The following TTLL5 variants were observed in gnomAD, a reference collection of about 807,000 sequenced individuals.
The protein encoded by TTLL5 is tubulin tyrosine ligase like 5.
TTLL5 carries 132 observed loss-of-function variants against 168.4 expected under a neutral mutation model. The ratio of observed to expected loss-of-function variants is 0.78; its 90% CI spans 0.68 to 0.91. The LOEUF (loss-of-function observed/expected upper bound fraction) is 0.91. Ranked by LOEUF, TTLL5 falls within the 40% of genes least tolerant of loss-of-function variation. TTLL5 has a pLI of 0.00. For synonymous variants in TTLL5, 546 were observed against 558.6 expected (o/e 0.98, Z 0.32); for missense variants, 1,545 against 1,581.5 (o/e 0.98, Z 0.39).
intron 28 of TTLL5, among the ~76,000 whole-genome samples, chr14:75,845,859 C>T (rs896114594): frequency 6.6e-6 from 1 of 152,100 alleles, no homozygotes; most frequent in Non-Finnish European, 1.5e-5. Context: ...TACACAATGG[C>T]GTCCCAGACC....
chr14:75,899,748 C>T (rs778597290), intron 30 of TTLL5, among the ~76,000 whole-genome samples: 3 of 151,916 alleles, frequency 2.0e-5, no homozygotes, highest in Non-Finnish European at 2.9e-5. Context: ...CAGTAAAGAA[C>T]GGGATAAAGC....
At chr14:75,766,816 C>T (rs1389521516) in intron 20 of TTLL5, among the ~76,000 whole-genome samples, 2 of 152,032 alleles carry the variant, frequency 1.3e-5, no homozygotes, top group Non-Finnish European at 2.9e-5. Flanking sequence ...AGTAGGGTTT[C>T]AGGAGCTTTG....
intron 28 of TTLL5, among the ~76,000 whole-genome samples, chr14:75,842,053 G>T (rs770615397): frequency 6.6e-6 from 1 of 152,164 alleles, no homozygotes; most frequent in Non-Finnish European, 1.5e-5. Flanking sequence ...TCCTGATGAG[G>T]CATCTGTAGG....
In TTLL5 at chr14:75,856,719, C is replaced by T. The variant is rs529179431; in HGVS notation, c.3327-6948C>T. 3.6e-4 allele frequency among the ~76,000 whole-genome samples: 54 copies of T among 151,176 alleles called. No homozygotes were observed. The East Asian group carries it at 5.3e-3, about 15-fold the overall frequency. On this transcript the variant is annotated intron_variant, in intron 28 of 31. Transcript: ENST00000298832. ...TCAGCTTACTGCAACCTCTGCCTCCCGGGTTCAAGTGATTCTCCTGCCTCA... is the reference window on the plus strand; with the variant it reads ...TCAGCTTACTGCAACCTCTGCCTCCTGGGTTCAAGTGATTCTCCTGCCTCA...
intron 24 of TTLL5, among the ~76,000 whole-genome samples, chr14:75,780,895 G>A (rs751723516): frequency 1.3e-5 from 2 of 152,030 alleles, no homozygotes; most frequent in African/African-American, 2.4e-5. Context: ...CCTATTATGT[G>A]TTAGGCATTT....
chr14:75,887,632 A>G (rs2032185987), intron 30 of TTLL5, among the ~76,000 whole-genome samples: 1 of 152,160 alleles, frequency 6.6e-6, no homozygotes, highest in South Asian at 2.1e-4. Flanking sequence ...GCTGAGCTCA[A>G]ACTGGAACTT....
At chr14:75,864,616 CA>C (rs200866178) in intron 29 of TTLL5, among the ~76,000 whole-genome samples, 1,960 of 152,224 alleles carry the variant, frequency 0.013, 50 homozygotes, top group African/African-American at 0.042. Flanking sequence ...AGGATGACCT[CA>C]CCGAAAATTC....
At chr14:75,820,478 T>A (rs954676978) in intron 28 of TTLL5, 1 of 217,368 alleles carries the variant, frequency 4.6e-6, no homozygotes, top group Non-Finnish European at 9.0e-6. Context: ...CACTTTGTCC[T>A]TGTCTCTTAG....
chr14:75,737,561 T>C, intron 15 of TTLL5: 4 of 1,535,538 alleles, frequency 2.6e-6, no homozygotes, highest in Non-Finnish European at 3.5e-6. Context: ...TTCTGTCTTT[T>C]ATAGCGTCCA....
At chr14:75,704,309 C>T (rs1051129452) in intron 7 of TTLL5, among the ~76,000 whole-genome samples, 2 of 152,178 alleles carry the variant, frequency 1.3e-5, no homozygotes, top group African/African-American at 2.4e-5. Flanking sequence ...GAGGCTGAGG[C>T]GGGCATATCA....
intron 30 of TTLL5, among the ~76,000 whole-genome samples, chr14:75,896,742 A>T (rs1210771674): frequency 6.6e-6 from 1 of 152,218 alleles, no homozygotes; most frequent in Non-Finnish European, 1.5e-5. Context: ...TCCACTGATC[A>T]AAATAATGGG....
At chr14:75,890,466 G>T (rs2140051081) in intron 30 of TTLL5, among the ~76,000 whole-genome samples, 1 of 152,018 alleles carries the variant, frequency 6.6e-6, no homozygotes, top group African/African-American at 2.4e-5. Flanking sequence ...ATATAGAAGA[G>T]ACTGAAAAAT....
intron 31 of TTLL5, among the ~76,000 whole-genome samples, chr14:75,923,603 A>T (rs375167991): frequency 6.6e-6 from 1 of 152,066 alleles, no homozygotes; most frequent in Non-Finnish European, 1.5e-5. Context: ...GTTCTTTTAC[A>T]TTTGCTGAGG....
chr14:75,770,820 A>T (rs1164643393), intron 20 of TTLL5, among the ~76,000 whole-genome samples: 1 of 152,170 alleles, frequency 6.6e-6, no homozygotes, highest in East Asian at 1.9e-4. Context: ...CCATCAGTTC[A>T]TCTGTGCCAA....
intron 31 of TTLL5, 42 bp downstream of exon 31, chr14:75,902,266 G>A (rs2032956956): frequency 6.3e-7 from 1 of 1,599,000 alleles, no homozygotes. Flanking sequence ...TAGATGACAG[G>A]GAAGGTGTTG....
At chr14:75,783,021 A>G in intron 25 of TTLL5, 126 bp from the exon 26 acceptor site, 1 of 1,133,604 alleles carries the variant, frequency 8.8e-7, no homozygotes, top group South Asian at 1.7e-5. Context: ...TAAAGTCTGT[A>G]TTTTTCATGA....
chr14:75,873,990 T>C (rs1316951385), intron 29 of TTLL5, among the ~76,000 whole-genome samples: 1 of 152,216 alleles, frequency 6.6e-6, no homozygotes, highest in Admixed American at 6.5e-5. Flanking sequence ...AACAATTAAA[T>C]ATGGTATGCA....
chr14:75,912,111 C>T lies in TTLL5; in HGVS notation c.3823+9887C>T, dbSNP rs150112699. Among the ~76,000 whole-genome samples, 890 of 152,310 alleles carry T rather than the reference C, an allele frequency of 5.8e-3. 9 individuals carry two copies. The highest frequency in any genetic ancestry group is 0.02 in the African/African-American group (830 of 41,570). ...TGCTGGCTCCTCCGCAGCCAGCTTC[C>T]ATTGTTGTCTAGGCTGACAGCTCCG... On this transcript the variant is annotated intron_variant, in intron 31 of 31. Coordinates refer to ENST00000298832, the MANE Select transcript of TTLL5 (RefSeq NM_015072.5).
intron 12 of TTLL5, chr14:75,727,818 T>C (rs370924233): frequency 1.6e-5 from 8 of 501,584 alleles, no homozygotes; most frequent in Non-Finnish European, 2.4e-5. Flanking sequence ...GCAAAACTAA[T>C]CTGTGATGAA....
Sources: allele counts gnomAD v4.1 joint callset (sites outside exome capture counted in the v4.1 genomes callset), GRCh38; gene constraint gnomAD v4.1.1; transcripts MANE v1.5; gene names NCBI Gene and HGNC (gene_info 2026-07-23, HGNC 2026-07-21).